Variants in NGEF observed in about 807,000 individuals in gnomAD.
NGEF encodes the protein ephexin-1.
A neutral mutation model predicts 80.9 loss-of-function variants in NGEF; 31 were observed. That is an observed-to-expected ratio of 0.38 (90% confidence interval 0.29 to 0.52). The LOEUF (loss-of-function observed/expected upper bound fraction) is 0.52, where lower values mean the gene tolerates loss of function less well. NGEF is among the 20% of genes least tolerant of loss of function. The pLI, the probability that NGEF is intolerant of heterozygous loss-of-function variation, is 0.84. For synonymous variants in NGEF, 371 were observed against 370.2 expected (o/e 1.00, Z -0.03); for missense variants, 709 against 926.2 (o/e 0.77, Z 3.04).
At chr2:232,928,223 G>T in intron 3 of NGEF, 1 of 963,500 alleles carries the variant, frequency 1.0e-6, no homozygotes, top group Non-Finnish European at 1.2e-6. Context: ...AGGGGCGCGC[G>T]CGGCGGGGGC....
intron 1 of NGEF, among the ~76,000 whole-genome samples, chr2:232,978,899 T>C (rs1158611631): frequency 2.0e-5 from 3 of 152,202 alleles, no homozygotes; most frequent in Non-Finnish European, 4.4e-5. Context: ...TTGTATTTTT[T>C]GTAGGGATGG....
chr2:232,974,107 T>C (rs1694244959), intron 2 of NGEF, among the ~76,000 whole-genome samples: 1 of 152,234 alleles, frequency 6.6e-6, no homozygotes, highest in Non-Finnish European at 1.5e-5. Flanking sequence ...TTCTGCTCAA[T>C]GCATATATTT....
chr2:232,934,406 TA>T (rs1178045743), intron 3 of NGEF, among the ~76,000 whole-genome samples: 1 of 138,044 alleles, frequency 7.2e-6, no homozygotes, highest in Non-Finnish European at 1.6e-5. Flanking sequence ...TTTTTTTTTT[TA>T]AAGAAAATAT....
chr2:232,936,432 G>C (rs149627813), intron 3 of NGEF, among the ~76,000 whole-genome samples: 1 of 152,354 alleles, frequency 6.6e-6, no homozygotes, highest in East Asian at 1.9e-4. Context: ...TGTGGTGTCT[G>C]AAAAGAGGCT....
At chr2:232,966,301 T>A (rs954214871) in intron 3 of NGEF, among the ~76,000 whole-genome samples, 2 of 152,188 alleles carry the variant, frequency 1.3e-5, no homozygotes, top group Non-Finnish European at 2.9e-5. Flanking sequence ...CAGCAGGAAG[T>A]GCTCTTGGGC....
intron 5 of NGEF, among the ~76,000 whole-genome samples, chr2:232,918,510 A>G (rs1692859649): frequency 6.6e-6 from 1 of 151,350 alleles, no homozygotes; most frequent in African/African-American, 2.4e-5. Context: ...TTTGTTTTTC[A>G]TGCTTCTTCA....
intron 1 of NGEF, among the ~76,000 whole-genome samples, chr2:232,999,254 G>A (rs1694921008): frequency 6.6e-6 from 1 of 152,018 alleles, no homozygotes; most frequent in Admixed American, 6.6e-5. Flanking sequence ...TTTTAAAATA[G>A]TTTTTACTTT....
chr2:232,986,219 G>A (rs1264930260), intron 1 of NGEF, among the ~76,000 whole-genome samples: 1 of 152,234 alleles, frequency 6.6e-6, no homozygotes, highest in African/African-American at 2.4e-5. Context: ...AAGTGTTGGT[G>A]AACGAAGATG....
chr2:232,948,121 T>TG (rs1383181395), intron 3 of NGEF, among the ~76,000 whole-genome samples: 2 of 150,466 alleles, frequency 1.3e-5, no homozygotes, highest in African/African-American at 4.9e-5. Flanking sequence ...TTGGGGGCCA[T>TG]GGGGTCATTT....
rs556048157 is a variant in NGEF, at chr2:232,961,141, A to G, written c.383+9073T>C. On this transcript the variant is annotated intron_variant, in intron 3 of 14. Transcript: ENST00000264051. ...AGAACATCCCATGTCCCACATCAGC[A>G]CCATCCCACATCTTGAAAACTGAAG... Among the ~76,000 whole-genome samples the G allele has an allele frequency of 1.1e-4, 16 of 152,266 alleles. 1 individual carries two copies. The East Asian group carries it at 3.1e-3, about 29-fold the overall frequency.
chr2:232,961,863 A>G (rs576872169), intron 3 of NGEF, among the ~76,000 whole-genome samples: 18 of 152,252 alleles, frequency 1.2e-4, no homozygotes, highest in Non-Finnish European at 1.9e-4. Flanking sequence ...AATGACTGCC[A>G]TTTATGTCAA....
intron 3 of NGEF, among the ~76,000 whole-genome samples, chr2:232,958,451 C>T (rs941542620): frequency 7.2e-5 from 11 of 152,106 alleles, no homozygotes; most frequent in Non-Finnish European, 1.5e-4. Context: ...AGCTTCTGCC[C>T]GGGAGTCGGC....
At chr2:232,975,327 A>G (rs1043760988) in intron 1 of NGEF, among the ~76,000 whole-genome samples, 1 of 152,220 alleles carries the variant, frequency 6.6e-6, no homozygotes, top group Non-Finnish European at 1.5e-5. Flanking sequence ...ATGTCTAGAC[A>G]GGAAAAGAAA....
intron 1 of NGEF, among the ~76,000 whole-genome samples, chr2:233,010,761 G>A (rs1695185805): frequency 6.6e-6 from 1 of 152,132 alleles, no homozygotes; most frequent in Admixed American, 6.5e-5. Context: ...CACGGCCCTG[G>A]CCTCCAGGAT....
chr2:232,996,028 G>A lies in NGEF; in HGVS notation c.-75+17040C>T, dbSNP rs75738134. On this transcript the variant is annotated intron_variant, in intron 1 of 14. Transcript: ENST00000264051. ...ATTTGTATTACAAAGACTCTAGTGT[G>A]GATGGGCTCAAACTTCCCTAAGCTT... Among the ~76,000 whole-genome samples, 892 of 152,010 alleles carry A rather than the reference G, an allele frequency of 5.9e-3. 7 individuals carry two copies. Among genetic ancestry groups the A allele is most frequent in the African/African-American group, 0.02 (844 of 41,422 alleles).
At chr2:232,955,418 G>A (rs988492314) in intron 3 of NGEF, among the ~76,000 whole-genome samples, 4 of 152,150 alleles carry the variant, frequency 2.6e-5, no homozygotes, top group Non-Finnish European at 5.9e-5. Context: ...ATGTCCTTTA[G>A]AGTAAAAAGA....
At chr2:233,012,517 G>T in intron 1 of NGEF, 1 of 232,436 alleles carries the variant, frequency 4.3e-6, no homozygotes, top group African/African-American at 2.4e-5. Context: ...TCACGACTAT[G>T]ACTTCTGTTT....
intron 9 of NGEF, among the ~76,000 whole-genome samples, chr2:232,886,272 C>T (rs1461862533): frequency 9.3e-6 from 1 of 107,530 alleles, no homozygotes; most frequent in Non-Finnish European, 2.0e-5. Context: ...TATGTAGGGG[C>T]CGTGTATGTG....
At chr2:233,006,155 G>T (rs1695079844) in intron 1 of NGEF, among the ~76,000 whole-genome samples, 1 of 152,156 alleles carries the variant, frequency 6.6e-6, no homozygotes, top group South Asian at 2.1e-4. Flanking sequence ...ATTTTTGACA[G>T]CAGCAATTGA....
Sources: allele counts gnomAD v4.1 joint callset (sites outside exome capture counted in the v4.1 genomes callset), GRCh38; gene constraint gnomAD v4.1.1; transcripts MANE v1.5; gene names NCBI Gene and HGNC (gene_info 2026-07-23, HGNC 2026-07-21).